The following SAMD4B variants were observed in gnomAD, a reference collection of about 807,000 sequenced individuals.
The protein encoded by SAMD4B is sterile alpha motif domain containing 4B.
A neutral mutation model predicts 74.5 loss-of-function variants in SAMD4B; 5 were observed. The observed-to-expected ratio is 0.07, with a 90% CI of 0.04 to 0.14. The LOEUF (loss-of-function observed/expected upper bound fraction) is 0.14. Among genes scored for constraint, SAMD4B ranks in the 10% least tolerant of loss-of-function variants. SAMD4B has a pLI of 1.00. For missense variants in SAMD4B, 608 were observed against 921.8 expected, an observed-to-expected ratio of 0.66 and a Z score of 4.41; for synonymous variants, 373 against 374.9, an observed-to-expected ratio of 1.00 and a Z score of 0.06.
chr19:39,350,052 T>C (rs1205491975), intron 1 of SAMD4B: 1 of 152,216 alleles, frequency 6.6e-6, no homozygotes, highest in African/African-American at 2.4e-5. Flanking sequence ...TATATTCATA[T>C]ATGTATGTTA....
chr19:39,390,326 G>C (rs746242540), downstream of SAMD4B: 1 of 1,584,666 alleles, frequency 6.3e-7, no homozygotes, highest in Non-Finnish European at 8.6e-7. Context: ...AGGTGGAGAG[G>C]ACGGGATTGA....
intron 2 of SAMD4B, among the ~76,000 whole-genome samples, chr19:39,355,446 G>A (rs1265163490): frequency 3.9e-5 from 6 of 152,210 alleles, no homozygotes; most frequent in Admixed American, 1.3e-4. Flanking sequence ...GCGCACGGAA[G>A]TTCAGAGAGA....
rs2078200255 is a variant in SAMD4B at position 39,384,862 on chromosome 19, A to AT, written c.*1337dup. On this transcript the variant is annotated 3_prime_UTR_variant, in exon 14 of 14. Transcript: ENST00000610417. Reference sequence around the variant, plus strand: ...TTTGTTATGAATATGGCTGGTAACCATTGTGTATGTTATTAAAGATACAAA... The same window carrying AT: ...TTTGTTATGAATATGGCTGGTAACCATTTGTGTATGTTATTAAAGATACAAA... 6.6e-6 allele frequency: 1 copy of AT among 152,444 alleles called. No homozygotes were observed. The highest frequency in any genetic ancestry group is 1.5e-5 in the Non-Finnish European group (1 of 67,994). 9.4% of individuals were successfully genotyped at this position (152,444 alleles called of 1,614,324 possible). A position where few individuals can be genotyped will look rare whatever the true frequency, so the allele number is the denominator to read the frequency against.
downstream of SAMD4B, chr19:39,388,901 A>G (rs1407909203): frequency 6.2e-7 from 1 of 1,610,692 alleles, no homozygotes; most frequent in Non-Finnish European, 8.5e-7. Context: ...AGATGGGAAC[A>G]GGCACAAATA....
intron 3 of SAMD4B, among the ~76,000 whole-genome samples, chr19:39,362,223 C>G (rs2076697717): frequency 6.6e-6 from 1 of 152,130 alleles, no homozygotes; most frequent in South Asian, 2.1e-4. Context: ...AATGTGAAGC[C>G]CAGGTCCTAT....
At chr19:39,352,952 G>A (rs2076137240) in intron 1 of SAMD4B, among the ~76,000 whole-genome samples, 1 of 152,054 alleles carries the variant, frequency 6.6e-6, no homozygotes, top group South Asian at 2.1e-4. Context: ...CTTATGAGTT[G>A]CCACCCAGTG....
At chr19:39,376,857 C>A in intron 7 of SAMD4B, 66 bp downstream of exon 7, 1 of 1,424,902 alleles carries the variant, frequency 7.0e-7, no homozygotes, top group South Asian at 1.2e-5. Context: ...AGACCAAAGG[C>A]CCTGAGTTGG....
chr19:39,357,149 C>A, intron 3 of SAMD4B, 60 bp downstream of exon 3: 2 of 1,454,572 alleles, frequency 1.4e-6, no homozygotes, highest in South Asian at 1.3e-5. Context: ...ACAGATGTCA[C>A]ATGGCTAAGA....
intron 3 of SAMD4B, 45 bp downstream of exon 3, chr19:39,357,134 C>T (rs770723104): frequency 2.6e-6 from 4 of 1,514,458 alleles, no homozygotes; most frequent in African/African-American, 1.4e-5. Flanking sequence ...GGAGGGAGAC[C>T]TGGAACAGAT....
downstream of SAMD4B, chr19:39,390,695 C>T: frequency 9.7e-7 from 1 of 1,033,790 alleles, no homozygotes; most frequent in Non-Finnish European, 1.5e-6. Context: ...AAGGAACCCG[C>T]CCCCTTCGTC....
intron 1 of SAMD4B, among the ~76,000 whole-genome samples, chr19:39,353,546 T>C (rs950768782): frequency 6.6e-6 from 1 of 152,184 alleles, no homozygotes; most frequent in Non-Finnish European, 1.5e-5. Flanking sequence ...GTGTAGCTTA[T>C]GGACACCCCT....
chr19:39,386,660 G>A, downstream of SAMD4B: 1 of 1,592,564 alleles, frequency 6.3e-7, no homozygotes, highest in Admixed American at 1.7e-5. This position sits in a 1 kb window ranked among gnomAD's most constrained non-coding sequence, Gnocchi z 6.1. Flanking sequence ...CACCCTCCCT[G>A]CCATGGGTGC....
chr19:39,383,560 C>T lies in SAMD4B; in HGVS notation c.*33C>T. The T allele has an allele frequency of 6.2e-7, 1 of 1,614,256 alleles. No individual in the cohort carries two copies. Among genetic ancestry groups the T allele is most frequent in the Non-Finnish European group, 8.5e-7 (1 of 1,180,044 alleles). On this transcript the variant is annotated 3_prime_UTR_variant, in exon 14 of 14. Transcript: ENST00000610417. The surrounding 1 kb of genome is among the most constrained non-coding windows in gnomAD (Gnocchi z 4.1). ...CACAGCCCAGCGCACCCATAGGCTC[C>T]CTGGGCGGCGGGCGGGGGCCAACCC...
intron 3 of SAMD4B, among the ~76,000 whole-genome samples, chr19:39,362,477 A>G (rs1015960466): frequency 1.1e-4 from 17 of 152,284 alleles, no homozygotes; most frequent in East Asian, 3.9e-4. Flanking sequence ...CATCAGTTTC[A>G]TGGAAGTAGG....
intron 3 of SAMD4B, among the ~76,000 whole-genome samples, chr19:39,367,092 C>T (rs2077003446): frequency 6.6e-6 from 1 of 152,236 alleles, no homozygotes; most frequent in Admixed American, 6.5e-5. Flanking sequence ...CTCCACTTTA[C>T]AGATAGAGAA....
At position 39,360,938 on chromosome 19, in the gene SAMD4B, C is replaced by T. The variant is rs116602987; in HGVS notation, c.196+3849C>T. Among the ~76,000 whole-genome samples the T allele has an allele frequency of 4.9e-3, 742 of 152,190 alleles. 3 individuals are homozygous for T. Among genetic ancestry groups the T allele is most frequent in the African/African-American group, 0.016 (660 of 41,534 alleles). ...ACCAGGCAGTGTGAGAGGTGATGCCCTGCTGGATGATTCATTTGTTGTGAG... is the reference window on the plus strand; with the variant it reads ...ACCAGGCAGTGTGAGAGGTGATGCCTTGCTGGATGATTCATTTGTTGTGAG... On this transcript the variant is annotated intron_variant, in intron 3 of 13. Transcript: ENST00000610417.
At position 39,384,040 on chromosome 19, in the gene SAMD4B, C is replaced by T. The variant is rs1175320392; in HGVS notation, c.*513C>T. The T allele has an allele frequency of 1.3e-5, 5 of 384,010 alleles. No individual in the cohort carries two copies. Among genetic ancestry groups the T allele is most frequent in the Non-Finnish European group, 2.4e-5 (5 of 212,706 alleles). 23.8% of individuals were successfully genotyped at this position (384,010 alleles called of 1,614,324 possible). A position where few individuals can be genotyped will look rare whatever the true frequency, so the allele number is the denominator to read the frequency against. ...AGGAGAGGAAGCTCTCTCTCCTCTC[C>T]CTGCTTCCCCTTCACCATTCCCCAC... On this transcript the variant is annotated 3_prime_UTR_variant, in exon 14 of 14. Transcript: ENST00000610417.
At chr19:39,381,493 T>C (rs960251083) in intron 12 of SAMD4B, among the ~76,000 whole-genome samples, 1 of 152,194 alleles carries the variant, frequency 6.6e-6, no homozygotes, top group East Asian at 1.9e-4. Flanking sequence ...GTGAGATTTC[T>C]GTGGAGGGGA....
At position 39,357,088 on chromosome 19, in the gene SAMD4B, T is replaced by G; in HGVS notation, c.195T>G (p.Ala65=). ...TGCTGGAGTCGGAGGCCAACAGTGC[T>G]GGTGAGTTTCCACCCTTAGAGATGG... ...IHLLESEANS[A]AIVSQWQQES... The change falls in exon 3 of 14, where the codon GCT becomes GCG. Residue 65 remains alanine, a splice_region_variant and synonymous_variant. Coordinates refer to ENST00000610417, the MANE Select transcript of SAMD4B (RefSeq NM_001384574.2). 6.2e-7 allele frequency: 1 copy of G among 1,604,964 alleles called. No homozygotes were observed. The highest frequency in any genetic ancestry group is 1.1e-5 in the South Asian group (1 of 90,440).
Sources: gnomAD v4.1 joint callset for allele counts (sites outside exome capture counted in the v4.1 genomes callset) on GRCh38, gnomAD v4.1.1 for gene constraint, Gnocchi (gnomAD v3.1) non-coding constraint, MANE v1.5 for transcripts, NCBI Gene and HGNC (gene_info 2026-07-23, HGNC 2026-07-21) for gene names.